The following GABRB1 variants were observed in gnomAD, a reference collection of about 807,000 sequenced individuals.
The protein encoded by GABRB1 is gamma-aminobutyric acid type A receptor subunit beta1.
GABRB1 carries 17 observed loss-of-function variants against 51.6 expected under a neutral mutation model. The ratio of observed to expected loss-of-function variants is 0.33; its 90% CI spans 0.23 to 0.49. GABRB1 has a LOEUF of 0.49. Ranked by LOEUF, GABRB1 falls within the 20% of genes least tolerant of loss-of-function variation. The pLI is 0.99. For missense variants in GABRB1, 410 were observed against 600.6 expected, an observed-to-expected ratio of 0.68 and a Z score of 3.32; for synonymous variants, 247 against 218.9, an observed-to-expected ratio of 1.13 and a Z score of -1.14.
intron 3 of GABRB1, among the ~76,000 whole-genome samples, chr4:47,084,169 A>C (rs963412471): frequency 2.0e-5 from 3 of 152,206 alleles, no homozygotes; most frequent in African/African-American, 7.2e-5. Context: ...GTCAAACATC[A>C]ATAACAGCTT....
At chr4:47,341,518 G>A (rs1725898136) in intron 5 of GABRB1, among the ~76,000 whole-genome samples, 1 of 152,128 alleles carries the variant, frequency 6.6e-6, no homozygotes, top group African/African-American at 2.4e-5. Context: ...GCAATAAATT[G>A]TCTAGTTAGT....
rs1729296723 is a variant in GABRB1 at position 47,426,382 on chromosome 4, G to C, written c.*364G>C. On this transcript the variant is annotated 3_prime_UTR_variant, in exon 9 of 9. Transcript: ENST00000295454. Reference sequence around the variant, plus strand: ...GGGAAAATGAAAAGAGGACCTTGCTGTCCGCCTGCACTGCTTCCTGGTAAA... The same window carrying C: ...GGGAAAATGAAAAGAGGACCTTGCTCTCCGCCTGCACTGCTTCCTGGTAAA... 1 of 148,234 alleles carries C rather than the reference G, an allele frequency of 6.7e-6. No homozygotes were observed. The highest frequency in any genetic ancestry group is 1.4e-5 in the Non-Finnish European group (1 of 70,732). 9.2% of individuals were successfully genotyped at this position (148,234 alleles called of 1,614,324 possible). A position where few individuals can be genotyped will look rare whatever the true frequency, so the allele number is the denominator to read the frequency against.
intron 8 of GABRB1, among the ~76,000 whole-genome samples, chr4:47,413,747 G>A (rs1200354068): frequency 6.6e-6 from 1 of 152,146 alleles, no homozygotes; most frequent in African/African-American, 2.4e-5. Flanking sequence ...AGGTCAAGGG[G>A]TATTTGTACT....
chr4:47,039,942 T>C (rs1314289343), intron 3 of GABRB1, among the ~76,000 whole-genome samples: 3 of 152,214 alleles, frequency 2.0e-5, no homozygotes, highest in African/African-American at 7.2e-5. Flanking sequence ...TATTTGTTTG[T>C]ATATGCACTG....
chr4:47,046,458 T>G, intron 3 of GABRB1, among the ~76,000 whole-genome samples: 1 of 152,106 alleles, frequency 6.6e-6, no homozygotes, highest in East Asian at 1.9e-4. Flanking sequence ...AGGATTTACT[T>G]TATTTTTTAA....
chr4:47,360,226 GA>G (rs1486164388), intron 5 of GABRB1, among the ~76,000 whole-genome samples: 2 of 151,908 alleles, frequency 1.3e-5, no homozygotes, highest in East Asian at 1.9e-4. Flanking sequence ...GGATAAGGAA[GA>G]TTTTTTTTTC....
intron 4 of GABRB1, among the ~76,000 whole-genome samples, chr4:47,310,581 T>TAA (rs910380643): frequency 6.6e-6 from 1 of 152,150 alleles, no homozygotes; most frequent in African/African-American, 2.4e-5. Context: ...CTAACTACAA[T>TAA]AACTGGGGAG....
chr4:47,015,119 G>C lies in GABRB1; in HGVS notation c.-19-16795G>C, dbSNP rs559962601. On this transcript the variant is annotated intron_variant, in intron 1 of 3. Transcript: ENST00000513567. ...GACAGGGTTTCACCATGTTGGCCAG[G>C]CTGGTCTCGAACTCCTGACCTTGTG... is the stretch of plus-strand genomic sequence containing the variant. Among the ~76,000 whole-genome samples, 35 of 152,244 alleles carry C rather than the reference G, an allele frequency of 2.3e-4. No individual in the cohort carries two copies. The East Asian group carries it at 5.6e-3, about 24-fold the overall frequency.
chr4:47,163,724 C>T (rs1718058967), intron 4 of GABRB1, among the ~76,000 whole-genome samples: 1 of 151,918 alleles, frequency 6.6e-6, no homozygotes, highest in African/African-American at 2.4e-5. Flanking sequence ...CAGTGGAATA[C>T]ACTTGGGACT....
chr4:47,363,878 G>C (rs896554020), intron 5 of GABRB1, among the ~76,000 whole-genome samples: 2 of 152,144 alleles, frequency 1.3e-5, no homozygotes, highest in African/African-American at 4.8e-5. Context: ...GAGAAACAGT[G>C]TTCACCTGGA....
chr4:47,291,430 C>T (rs1017555575), intron 4 of GABRB1, among the ~76,000 whole-genome samples: 2 of 152,124 alleles, frequency 1.3e-5, no homozygotes, highest in African/African-American at 2.4e-5. Flanking sequence ...GGTGTCGGAG[C>T]CCCCCGACCC....
At chr4:47,144,784 A>T (rs926605999) in intron 3 of GABRB1, among the ~76,000 whole-genome samples, 4 of 151,628 alleles carry the variant, frequency 2.6e-5, no homozygotes, top group Admixed American at 6.6e-5. Flanking sequence ...AACCATCACA[A>T]CTAACAGTGT....
intron 5 of GABRB1, among the ~76,000 whole-genome samples, chr4:47,350,192 T>C: frequency 2.9e-5 from 1 of 34,992 alleles, no homozygotes; most frequent in South Asian, 1.0e-3. Context: ...ATTATATATA[T>C]ATATATATAT....
At chr4:47,034,315 C>T (rs972314785) in intron 3 of GABRB1, among the ~76,000 whole-genome samples, 4 of 151,928 alleles carry the variant, frequency 2.6e-5, no homozygotes, top group Non-Finnish European at 4.4e-5. Flanking sequence ...CAACAACCAC[C>T]GTAACAAAAA....
intron 5 of GABRB1, among the ~76,000 whole-genome samples, chr4:47,324,322 C>T (rs563668205): frequency 2.9e-4 from 44 of 152,114 alleles, no homozygotes; most frequent in Non-Finnish European, 5.0e-4. Context: ...TCTTCCTCCT[C>T]TGGAAATTGA....
chr4:47,298,474 A>G (rs1384826479), intron 4 of GABRB1, among the ~76,000 whole-genome samples: 2 of 152,312 alleles, frequency 1.3e-5, no homozygotes, highest in East Asian at 3.9e-4. Context: ...ATCATAAGTG[A>G]ACTCCCATTC....
intron 3 of GABRB1, among the ~76,000 whole-genome samples, chr4:47,109,109 A>G (rs746645366): frequency 6.6e-5 from 10 of 152,122 alleles, no homozygotes; most frequent in Non-Finnish European, 1.5e-5. Flanking sequence ...ATGGGATATT[A>G]CTAATATTTT....
chr4:47,152,492 A>G (rs911049258), intron 3 of GABRB1, among the ~76,000 whole-genome samples: 3 of 151,944 alleles, frequency 2.0e-5, no homozygotes, highest in African/African-American at 7.2e-5. Flanking sequence ...CTAGAATCCA[A>G]TTTCCCAGGG....
intron 3 of GABRB1, among the ~76,000 whole-genome samples, chr4:47,074,820 AT>A (rs1727482208): frequency 2.6e-5 from 4 of 152,248 alleles, no homozygotes; most frequent in Admixed American, 6.5e-5. Flanking sequence ...TGTTCATTGA[AT>A]TTGAAACCAC....
Sources: gnomAD v4.1 joint callset for allele counts (sites outside exome capture counted in the v4.1 genomes callset) on GRCh38, gnomAD v4.1.1 for gene constraint, MANE v1.5 for transcripts, NCBI Gene and HGNC (gene_info 2026-07-23, HGNC 2026-07-21) for gene names.